Variants in ZNF540 observed in about 807,000 individuals in gnomAD.
ZNF540 encodes the protein CTD-3064H18.6.
A neutral mutation model predicts 11.8 loss-of-function variants in ZNF540; 3 were observed. The ratio of observed to expected loss-of-function variants is 0.25; its 90% CI spans 0.12 to 0.65. ZNF540 has a LOEUF of 0.65. Among genes scored for constraint, ZNF540 ranks in the 30% least tolerant of loss-of-function variants. The probability of loss-of-function intolerance (pLI) is 0.83; values close to 1 mark genes in which losing one functional copy is unlikely to be tolerated. For missense variants in ZNF540, 709 were observed against 793.1 expected (o/e 0.89, Z 1.27); for synonymous variants, 247 against 259.0 (o/e 0.95, Z 0.45).
intron 4 of ZNF540, among the ~76,000 whole-genome samples, chr19:37,605,262 A>G (rs2044075504): frequency 6.6e-6 from 1 of 151,992 alleles, no homozygotes; most frequent in African/African-American, 2.4e-5. Flanking sequence ...GGGGTTCAAG[A>G]CCAACCTGGG....
At position 37,569,649 on chromosome 19, in the gene ZNF540, G is replaced by A. The variant is rs1018032534; in HGVS notation, c.-73+17984G>A. Among the ~76,000 whole-genome samples the A allele has an allele frequency of 1.3e-5, 2 of 151,996 alleles. No individual in the cohort carries two copies. The highest frequency in any genetic ancestry group is 2.4e-5 in the African/African-American group (1 of 41,444). Reference sequence around the variant, plus strand: ...TCATAACCTCTAGCAGGTTCTGCCCGGCCTGGCTCCAGTCAACCTCTCCGA... The same window carrying A: ...TCATAACCTCTAGCAGGTTCTGCCCAGCCTGGCTCCAGTCAACCTCTCCGA... On this transcript the variant is annotated intron_variant, in intron 1 of 4. Transcript: ENST00000592533. The surrounding 1 kb of genome is among the most constrained non-coding windows in gnomAD (Gnocchi z 4.4).
upstream of ZNF540, among the ~76,000 whole-genome samples, chr19:37,593,174 A>G (rs1600547975): frequency 6.6e-6 from 1 of 152,274 alleles, no homozygotes; most frequent in East Asian, 1.9e-4. Flanking sequence ...TTTAAAATAT[A>G]ATGTCCTTTT....
chr19:37,589,672 C>A (rs1454703013), intron 1 of ZNF540, among the ~76,000 whole-genome samples: 1 of 151,738 alleles, frequency 6.6e-6, no homozygotes, highest in Non-Finnish European at 1.5e-5. Flanking sequence ...ACTGAAGGTG[C>A]TGGCCAATGA....
At chr19:37,586,722 G>T in intron 1 of ZNF540, 4 of 1,612,724 alleles carry the variant, frequency 2.5e-6, no homozygotes, top group Non-Finnish European at 3.4e-6. Context: ...TCCTGGAGGT[G>T]TGCAAAGTCC....
intron 1 of ZNF540, among the ~76,000 whole-genome samples, chr19:37,559,074 G>A (rs921650116): frequency 2.6e-5 from 4 of 152,012 alleles, no homozygotes; most frequent in Admixed American, 2.0e-4. Flanking sequence ...AAACTCCTGC[G>A]CTCCAGTGAT....
At chr19:37,577,028 C>T (rs747631929) in intron 1 of ZNF540, among the ~76,000 whole-genome samples, 2 of 152,048 alleles carry the variant, frequency 1.3e-5, no homozygotes, top group Non-Finnish European at 2.9e-5. Context: ...TTACATAAAA[C>T]GTTAGGTCAT....
chr19:37,601,099 T>C lies in ZNF540; in HGVS notation c.226T>C (p.Cys76Arg). ...GGCGAGGGATGTGACAGGAAGACAG[T>C]GCCCCGGTGAGTTGAGAGTTCATCA... ...VVARDVTGRQ[C>R]PGLLSRHKTK... is the part of the protein sequence containing the mutation. The change falls in exon 4 of 5, where the codon TGC becomes CGC. Residue 76 changes from cysteine (C) to arginine (R), a missense_variant. Cys to Arg is a radical substitution (Grantham distance 180). Transcript: ENST00000316433. 3 of 1,575,006 alleles carry C rather than the reference T, an allele frequency of 1.9e-6. No individual in the cohort carries two copies. The highest frequency in any genetic ancestry group is 1.7e-6 in the Non-Finnish European group (2 of 1,159,832).
chr19:37,588,396 T>C (rs193048410), intron 1 of ZNF540, among the ~76,000 whole-genome samples: 1 of 152,330 alleles, frequency 6.6e-6, no homozygotes, highest in Admixed American at 6.5e-5. Context: ...AACAAAATCA[T>C]ATCCTCTGCA....
At chr19:37,611,442 T>C in intron 4 of ZNF540, 71 bp from the exon 5 acceptor site, 2 of 1,294,238 alleles carry the variant, frequency 1.5e-6, no homozygotes, top group Non-Finnish European at 2.1e-6. Context: ...TTTCCTATTT[T>C]GAAAATGTAA....
chr19:37,566,200 A>G, intron 1 of ZNF540: 1 of 1,613,970 alleles, frequency 6.2e-7, no homozygotes, highest in South Asian at 1.1e-5. Context: ...GATGGTTGAT[A>G]CGTTTCCCCA....
At position 37,612,445 on chromosome 19, in the gene ZNF540, G is replaced by A. The variant is rs753850345; in HGVS notation, c.1165G>A (p.Gly389Arg). Residue 389 changes from glycine (G) to arginine (R), a missense_variant, in exon 5 of 5, where the codon GGG (glycine) becomes AGG (arginine). Gly to Arg is a moderately radical substitution (Grantham distance 125). Coordinates refer to ENST00000316433, the MANE Select transcript of ZNF540 (RefSeq NM_001172225.3). ...GKKPYECKEC[G>R]KSFNVRGQLN... ...GAAACCTTATGAATGTAAGGAGTGT[G>A]GGAAATCATTTAATGTGCGTGGACA... is the stretch of plus-strand genomic sequence containing the variant. 1.2e-6 allele frequency: 2 copies of A among 1,614,108 alleles called. No homozygotes were observed. Among genetic ancestry groups the A allele is most frequent in the Admixed American group, 1.7e-5 (1 of 60,012 alleles).
At chr19:37,594,568 C>T (rs535712655), upstream of ZNF540, 1 of 152,506 alleles carries the variant, frequency 6.6e-6, no homozygotes, top group Non-Finnish European at 1.5e-5. Flanking sequence ...TGCCGACACC[C>T]CTCCGCAAGC....
At chr19:37,565,607 C>A in intron 1 of ZNF540, 1 of 1,613,164 alleles carries the variant, frequency 6.2e-7, no homozygotes, top group African/African-American at 1.3e-5. Context: ...TTTTTCACCA[C>A]TATGAATTCT....
chr19:37,575,101 TCA>T (rs1434741960), intron 1 of ZNF540, among the ~76,000 whole-genome samples: 9 of 152,214 alleles, frequency 5.9e-5, no homozygotes, highest in Non-Finnish European at 1.2e-4. Flanking sequence ...ACCTCAAGTC[TCA>T]GAGTTCTGAA....
intron 1 of ZNF540, among the ~76,000 whole-genome samples, chr19:37,571,154 C>G (rs1220125887): frequency 1.3e-5 from 2 of 152,072 alleles, no homozygotes; most frequent in African/African-American, 4.8e-5. Context: ...TATAGGAGCC[C>G]TAATAACTGC....
Position 37,569,158 on chromosome 19 carries a change from G to A in ZNF540, c.-73+17493G>A, listed in dbSNP as rs1394883746. ...AGTAGAGATAGGCCTTCACCATATT[G>A]GTCAGGCTGGTCTCAAATTCCTGGC... On this transcript the variant is annotated intron_variant, in intron 1 of 4. Coordinates refer to the ZNF540 transcript ENST00000592533. The surrounding 1 kb of genome is among the most constrained non-coding windows in gnomAD (Gnocchi z 4.4). 6.6e-6 allele frequency among the ~76,000 whole-genome samples: 1 copy of A among 151,856 alleles called. No homozygotes were observed. The highest frequency in any genetic ancestry group is 1.9e-4 in the East Asian group (1 of 5,178).
intron 1 of ZNF540, chr19:37,565,098 C>G (rs2147148667): frequency 6.2e-7 from 1 of 1,613,378 alleles, no homozygotes; most frequent in Middle Eastern, 1.6e-4. Context: ...AAGGGTTTCT[C>G]ACCTGTATGA....
At chr19:37,600,532 T>C (rs2044031184) in intron 3 of ZNF540, among the ~76,000 whole-genome samples, 1 of 152,238 alleles carries the variant, frequency 6.6e-6, no homozygotes. Context: ...GTGCTTACTA[T>C]ATACCAGGCA....
At chr19:37,608,636 A>G (rs2044102861) in intron 4 of ZNF540, among the ~76,000 whole-genome samples, 1 of 137,956 alleles carries the variant, frequency 7.2e-6, no homozygotes, top group Admixed American at 7.2e-5. Flanking sequence ...AACATAGTAA[A>G]TAGGCCTTTA....
Sources: allele counts gnomAD v4.1 joint callset (sites outside exome capture counted in the v4.1 genomes callset), GRCh38; gene constraint gnomAD v4.1.1; non-coding constraint Gnocchi (gnomAD v3.1); transcripts MANE v1.5; gene names NCBI Gene and HGNC (gene_info 2026-07-23, HGNC 2026-07-21).